The following AMN variants were observed in gnomAD, a reference collection of about 807,000 sequenced individuals.
AMN encodes the protein amnion associated transmembrane protein, also known as protein amnionless.
In AMN, 40 loss-of-function variants were observed where a neutral mutation model predicts 49.1. The ratio of observed to expected loss-of-function variants is 0.81; its 90% CI spans 0.63 to 1.06. The LOEUF (loss-of-function observed/expected upper bound fraction) is 1.06, where lower values mean the gene tolerates loss of function less well. AMN is among the 50% of genes least tolerant of loss of function. AMN has a pLI of 0.00. For missense variants in AMN, 701 were observed against 662.8 expected (o/e 1.06, Z -0.63); for synonymous variants, 380 against 313.3 (o/e 1.21, Z -2.25).
chr14:102,929,484 G>A lies in AMN; in HGVS notation c.708G>A (p.Gln236=). Residue 236 remains glutamine, a synonymous_variant, in exon 7 of 12, where the codon CAG becomes CAA. Coordinates refer to ENST00000299155, the MANE Select transcript of AMN (RefSeq NM_030943.4). ...LLQPLGGRCP[Q]AACHSALRPQ... is the part of the protein sequence containing the mutation. ...AGCCCCTGGGCGGCCGCTGCCCCCA[G>A]GCCGCCTGCCACAGCGCCCTCCGGC... 1 of 1,532,226 alleles carries A rather than the reference G, an allele frequency of 6.5e-7. No homozygotes were observed. Among genetic ancestry groups the A allele is most frequent in the Non-Finnish European group, 8.7e-7 (1 of 1,145,380 alleles). The allele number at this position is 1,532,226 out of a possible 1,614,324, so 94.9% of individuals were successfully genotyped here.
intron 3 of AMN, among the ~76,000 whole-genome samples, chr14:102,924,694 G>A (rs1171892836): frequency 6.6e-6 from 1 of 152,192 alleles, no homozygotes; most frequent in Non-Finnish European, 1.5e-5. Flanking sequence ...AACATGATGG[G>A]AACTGGGAGG....
Position 102,923,749 on chromosome 14 carries a change from AC to A in AMN, c.83del (p.Thr28ArgfsTer171), listed in dbSNP as rs1445223233. The A allele has an allele frequency of 3.7e-6, 6 of 1,612,780 alleles. No homozygotes were observed. The highest frequency in any genetic ancestry group is 4.2e-6 in the Non-Finnish European group (5 of 1,179,864). On this transcript the variant is annotated frameshift_variant, in exon 2 of 12. Coordinates refer to ENST00000299155, the MANE Select transcript of AMN (RefSeq NM_030943.4). LOFTEE classifies it high-confidence loss of function. Reference sequence around the variant, plus strand: ...GGTCTCCAAACTCTGGGTCCCCAACACGGACTTCGACGTCGCAGCCAACTGG... The same window carrying A: ...GGTCTCCAAACTCTGGGTCCCCAACAGGACTTCGACGTCGCAGCCAACTGG... ...QAVSKLWVPN[T>X]DFDVAANWSQ...
Position 102,929,677 on chromosome 14 carries a change from C to T in AMN, c.783C>T (p.His261=), listed in dbSNP as rs368430211. 14 of 1,550,136 alleles carry T rather than the reference C, an allele frequency of 9.0e-6. No homozygotes were observed. The highest frequency in any genetic ancestry group is 2.7e-5 in the African/African-American group (2 of 73,078). ...DLCGAVVLLT[H]GPAFDLERYR... ...CAGGAGCCGTTGTGTTGCTGACCCA[C>T]GGCCCCGCATTTGACCTGGAGCGGT... Residue 261 remains histidine, a synonymous_variant, in exon 8 of 12, where the codon CAC becomes CAT. Coordinates refer to ENST00000299155, the MANE Select transcript of AMN (RefSeq NM_030943.4).
Position 102,929,753 on chromosome 14 carries a change from G to A in AMN, c.843+16G>A. ...CCTGGGTCTGGTAATGGGGCCGCGC[G>A]GGCAGCTGAGGGGAGTCCCGACCCC... On this transcript the variant is annotated intron_variant, in intron 8 of 11. Transcript: ENST00000299155. 6.5e-7 allele frequency: 1 copy of A among 1,549,226 alleles called. No individual in the cohort carries two copies. The highest frequency in any genetic ancestry group is 8.7e-7 in the Non-Finnish European group (1 of 1,146,702).
Position 102,929,662 on chromosome 14 carries a change from T to G in AMN, c.768T>G (p.Val256=). ...QGQCCDLCGA[V]VLLTHGPAFD... The stretch of plus-strand genomic sequence containing the variant: ...CCTGCCCTCCCGCCGCAGGAGCCGT[T>G]GTGTTGCTGACCCACGGCCCCGCAT... The change falls in exon 8 of 12, where the codon GTT becomes GTG. Residue 256 remains valine, a synonymous_variant. Transcript: ENST00000299155. 1.3e-6 allele frequency: 2 copies of G among 1,549,512 alleles called. No homozygotes were observed. Among genetic ancestry groups the G allele is most frequent in the Non-Finnish European group, 1.7e-6 (2 of 1,147,006 alleles).
rs913589542 is a variant in AMN, at chr14:102,928,371, C to G, written c.208-55C>G. Reference sequence around the variant, plus strand: ...CCCAGGGGACTGGGGGCGGGGTGGGCGCGGAGCAGGCCCGGACCCCCGCGT... The same window carrying G: ...CCCAGGGGACTGGGGGCGGGGTGGGGGCGGAGCAGGCCCGGACCCCCGCGT... On this transcript the variant is annotated intron_variant, in intron 3 of 11. Transcript: ENST00000299155. 5 of 1,479,184 alleles carry G rather than the reference C, an allele frequency of 3.4e-6. No homozygotes were observed. In the African/African-American group the frequency reaches 7.0e-5, roughly 21 times the overall value. 91.6% of individuals were successfully genotyped at this position (1,479,184 alleles called of 1,614,324 possible). A position where few individuals can be genotyped will look rare whatever the true frequency, so the allele number is the denominator to read the frequency against.
rs148815688 is a variant in AMN, at chr14:102,930,369, C to T, written c.1170-37C>T. The T allele has an allele frequency of 3.4e-6, 5 of 1,478,654 alleles. No individual in the cohort carries two copies. The Admixed American group carries it at 6.7e-5, about 20-fold the overall frequency. 91.6% of individuals were successfully genotyped at this position (1,478,654 alleles called of 1,614,324 possible). A position where few individuals can be genotyped will look rare whatever the true frequency, so the allele number is the denominator to read the frequency against. ...CGCGGAGGTGGGGCTGGGGGTTGCTCCGAGGGGCTCACGCTGCGTCCCCGC... is the reference window on the plus strand; with the variant it reads ...CGCGGAGGTGGGGCTGGGGGTTGCTTCGAGGGGCTCACGCTGCGTCCCCGC... On this transcript the variant is annotated intron_variant, in intron 10 of 11. Transcript: ENST00000299155.
rs996147843 is a variant in AMN at position 102,929,551 on chromosome 14, C to T, written c.760+15C>T. 2.2e-5 allele frequency: 34 copies of T among 1,541,756 alleles called. No individual in the cohort carries two copies. Among genetic ancestry groups the T allele is most frequent in the Non-Finnish European group, 2.9e-5 (33 of 1,146,304 alleles). On this transcript the variant is annotated intron_variant, in intron 7 of 11. Coordinates refer to ENST00000299155, the MANE Select transcript of AMN (RefSeq NM_030943.4). ...TGACCTCTGTGGTAAGCGCCCCCGCCGGGCCCTGCTTGCTGGGAAGGCCTG... is the reference window on the plus strand; with the variant it reads ...TGACCTCTGTGGTAAGCGCCCCCGCTGGGCCCTGCTTGCTGGGAAGGCCTG...
chr14:102,927,470 G>A (rs1261698021), intron 3 of AMN, among the ~76,000 whole-genome samples: 1 of 152,184 alleles, frequency 6.6e-6, no homozygotes, highest in African/African-American at 2.4e-5. Context: ...CCGTCCCCAC[G>A]GCTCCACCTC....
intron 1 of AMN, 129 bp downstream of exon 1, chr14:102,922,860 G>T (rs767176145): frequency 1.5e-6 from 2 of 1,341,586 alleles, no homozygotes. Flanking sequence ...GGAGGGTTGG[G>T]GGCGTGAAAC....
chr14:102,930,372 A>G (rs1290845149), intron 10 of AMN, 34 bp from the exon 11 acceptor site: 2 of 1,483,032 alleles, frequency 1.3e-6, no homozygotes, highest in Non-Finnish European at 8.9e-7. Flanking sequence ...GGTTGCTCCG[A>G]GGGGCTCACG....
intron 3 of AMN, among the ~76,000 whole-genome samples, chr14:102,925,984 G>C (rs1891178564): frequency 6.6e-6 from 1 of 152,140 alleles, no homozygotes; most frequent in Admixed American, 6.5e-5. Flanking sequence ...CCCTCCCTGC[G>C]ATTTTCCTTT....
intron 6 of AMN, 56 bp downstream of exon 6, chr14:102,929,314 G>T: frequency 6.9e-7 from 1 of 1,453,036 alleles, no homozygotes; most frequent in South Asian, 1.4e-5. Flanking sequence ...GACTGTGCCC[G>T]GGACAGGGCC....
rs1199030716 is a variant in AMN at position 102,929,187 on chromosome 14, G to A, written c.580G>A (p.Gly194Arg). 3.8e-6 allele frequency: 6 copies of A among 1,592,808 alleles called. No homozygotes were observed. The highest frequency in any genetic ancestry group is 5.1e-6 in the Non-Finnish European group (6 of 1,177,374). Residue 194 changes from glycine to arginine, a missense_variant, in exon 6 of 12, where the codon GGG becomes AGG. Transcript: ENST00000299155. ...ASRAGRLRFH[G>R]PGALSVGPED... ...CCGCGCGGGCCGCCTACGCTTCCAC[G>A]GGCCGGGCGCGCTGAGCGTGGGCCC...
intron 1 of AMN, 103 bp downstream of exon 1, chr14:102,922,834 G>A: frequency 1.4e-6 from 2 of 1,450,016 alleles, no homozygotes; most frequent in East Asian, 2.5e-5. Flanking sequence ...TCCGAGGAGT[G>A]GGCAGGGAGG....
At position 102,929,412 on chromosome 14, in the gene AMN, C is replaced by T; in HGVS notation, c.652-16C>T. On this transcript the variant is annotated splice_polypyrimidine_tract_variant and intron_variant, in intron 6 of 11. Coordinates refer to ENST00000299155, the MANE Select transcript of AMN (RefSeq NM_030943.4). ...CCGCTCTGGCCCTCCGCGCTGACCA[C>T]CGCCCCTCGCACCAGGCGCAGCCGT... 6.5e-7 allele frequency: 1 copy of T among 1,529,742 alleles called. No individual in the cohort carries two copies. The allele number at this position is 1,529,742 out of a possible 1,614,324, so 94.8% of individuals were successfully genotyped here. A position where few individuals can be genotyped will look rare whatever the true frequency, so the allele number is the denominator to read the frequency against.
At position 102,929,195 on chromosome 14, in the gene AMN, C is replaced by T. The variant is rs762347221; in HGVS notation, c.588C>T (p.Gly196=). The T allele has an allele frequency of 6.3e-7, 1 of 1,589,770 alleles. No homozygotes were observed. Among genetic ancestry groups the T allele is most frequent in the Non-Finnish European group, 8.5e-7 (1 of 1,175,948 alleles). Residue 196 remains glycine (G), a synonymous_variant, in exon 6 of 12, where the codon GGC becomes GGT. Transcript: ENST00000299155. ...RAGRLRFHGP[G]ALSVGPEDCA... ...GCCGCCTACGCTTCCACGGGCCGGGCGCGCTGAGCGTGGGCCCCGAGGACT... is the reference window on the plus strand; with the variant it reads ...GCCGCCTACGCTTCCACGGGCCGGGTGCGCTGAGCGTGGGCCCCGAGGACT...
In AMN at chr14:102,930,675, G is replaced by T; in HGVS notation, c.1357G>T (p.Ala453Ser). ...TCTGTTCGCCGGGGCCGAGGCCGAG[G>T]CCTGAGCGGCCGCCTGACCGTCGAC... ...NPLFAGAEAE[A>S] The change falls in exon 12 of 12, where the codon GCC becomes TCC. Residue 453 changes from alanine to serine, a missense_variant. Physicochemically the swap from Ala to Ser is moderately conservative, Grantham distance 99 (BLOSUM62 1). Transcript: ENST00000299155. 6.4e-7 allele frequency: 1 copy of T among 1,573,620 alleles called. No homozygotes were observed. Among genetic ancestry groups the T allele is most frequent in the South Asian group, 1.2e-5 (1 of 86,778 alleles).
chr14:102,930,065 C>T lies in AMN; in HGVS notation c.985C>T (p.Leu329=), dbSNP rs1368166377. 1.9e-6 allele frequency: 3 copies of T among 1,543,960 alleles called. No homozygotes were observed. The South Asian group carries it at 3.6e-5, about 18-fold the overall frequency. Residue 329 remains leucine, a synonymous_variant, in exon 9 of 12, where the codon CTG becomes TTG. Transcript: ENST00000299155. ...GGAGRLARAL[L]ADVAENGEAL... ...AGCGGGGCGGCTGGCCCGGGCCCTC[C>T]TGGCGGACGTCGCCGAGAACGGTAA...
Sources: gnomAD v4.1 joint callset for allele counts (sites outside exome capture counted in the v4.1 genomes callset) on GRCh38, gnomAD v4.1.1 for gene constraint, MANE v1.5 for transcripts, NCBI Gene and HGNC (gene_info 2026-07-23, HGNC 2026-07-21) for gene names.